KIAA0825: variants seen among roughly 807,000 people sequenced by gnomAD.
The protein encoded by KIAA0825 is uncharacterized protein KIAA0825.
Under a neutral mutation model 147.6 loss-of-function variants are expected in KIAA0825, and 119 were observed. That is an observed-to-expected ratio of 0.81 (90% CI 0.69 to 0.94). The LOEUF (loss-of-function observed/expected upper bound fraction) is 0.94, where lower values mean the gene tolerates loss of function less well. KIAA0825 is among the 40% of genes least tolerant of loss of function. The probability of loss-of-function intolerance (pLI) is 0.00; values close to 1 mark genes in which losing one functional copy is unlikely to be tolerated. For synonymous variants in KIAA0825, 470 were observed against 518.1 expected (o/e 0.91, Z 1.26); for missense variants, 1,381 against 1,472.7 (o/e 0.94, Z 1.02).
chr5:94,469,902 C>T, intron 10 of KIAA0825, 59 bp downstream of exon 10: 1 of 1,353,434 alleles, frequency 7.4e-7, no homozygotes, highest in African/African-American at 1.5e-5. Flanking sequence ...AGCCAGAAAG[C>T]AGGTACGCAG....
intron 14 of KIAA0825, among the ~76,000 whole-genome samples, chr5:94,424,061 C>T (rs1264560146): frequency 1.3e-5 from 2 of 151,960 alleles, no homozygotes; most frequent in Non-Finnish European, 2.9e-5. Context: ...AGATAATGAA[C>T]CTAAGCAAAC....
chr5:94,595,734 C>G (rs1436657291), intron 1 of KIAA0825, among the ~76,000 whole-genome samples: 1 of 152,130 alleles, frequency 6.6e-6, no homozygotes, highest in African/African-American at 2.4e-5. Flanking sequence ...AAATAAGTTC[C>G]AATTCCAAAC....
At chr5:94,473,238 T>C (rs1761441809) in intron 8 of KIAA0825, 54 bp downstream of exon 8, 1 of 1,417,540 alleles carries the variant, frequency 7.1e-7, no homozygotes, top group African/African-American at 1.4e-5. Flanking sequence ...TGCCTTATAC[T>C]AAAATAAATC....
chr5:94,594,466 G>GA (rs375418594), intron 1 of KIAA0825: 77 of 739,116 alleles, frequency 1.0e-4, no homozygotes, highest in African/African-American at 1.0e-3. Context: ...TTGGAAGAAA[G>GA]AAAAAAATCT....
chr5:94,320,086 A>T (rs993243237), intron 20 of KIAA0825, among the ~76,000 whole-genome samples: 2 of 151,984 alleles, frequency 1.3e-5, no homozygotes, highest in South Asian at 4.1e-4. Flanking sequence ...GATCACACAA[A>T]TATTTTCTTA....
chr5:94,562,576 A>C (rs1228033331), intron 2 of KIAA0825, among the ~76,000 whole-genome samples: 1 of 152,240 alleles, frequency 6.6e-6, no homozygotes, highest in Non-Finnish European at 1.5e-5. Context: ...CAAGGAGCAG[A>C]CAGAATCTCA....
chr5:94,173,293 T>C (rs1370968372), intron 20 of KIAA0825, among the ~76,000 whole-genome samples: 1 of 152,194 alleles, frequency 6.6e-6, no homozygotes, highest in Non-Finnish European at 1.5e-5. Context: ...TTACAGTTAC[T>C]ATTGCACAAT....
chr5:94,264,402 TG>T (rs1776647432), intron 20 of KIAA0825, among the ~76,000 whole-genome samples: 5 of 152,192 alleles, frequency 3.3e-5, no homozygotes, highest in African/African-American at 1.2e-4. Flanking sequence ...GTGTGTTAAA[TG>T]AATGAATAGA....
chr5:94,271,035 G>C (rs1457094427), intron 20 of KIAA0825, among the ~76,000 whole-genome samples: 1 of 152,044 alleles, frequency 6.6e-6, no homozygotes, highest in Admixed American at 6.6e-5. Flanking sequence ...TGTATTAATA[G>C]AAGTATTAAG....
intron 20 of KIAA0825, among the ~76,000 whole-genome samples, chr5:94,315,311 C>T (rs1373429378): frequency 3.3e-5 from 5 of 151,562 alleles, no homozygotes; most frequent in East Asian, 3.9e-4. Context: ...CTAATGATAG[C>T]GCTTTCTATC....
chr5:94,314,986 C>T (rs1779515330), intron 20 of KIAA0825, among the ~76,000 whole-genome samples: 1 of 151,548 alleles, frequency 6.6e-6, no homozygotes, highest in Non-Finnish European at 1.5e-5. Context: ...TGGCAGCGGA[C>T]AGAGCTCTCA....
chr5:94,327,613 G>T (rs1780827866), intron 20 of KIAA0825, among the ~76,000 whole-genome samples: 1 of 152,152 alleles, frequency 6.6e-6, no homozygotes, highest in Non-Finnish European at 1.5e-5. Context: ...AATGTACTGT[G>T]TTGGTTCCCT....
intron 20 of KIAA0825, among the ~76,000 whole-genome samples, chr5:94,355,046 C>T (rs1324876013): frequency 6.6e-6 from 1 of 152,098 alleles, no homozygotes; most frequent in Non-Finnish European, 1.5e-5. Flanking sequence ...CAGGCTTCCA[C>T]GCTATAGGTA....
At chr5:94,442,688 G>T (rs1351927528) in intron 13 of KIAA0825, among the ~76,000 whole-genome samples, 1 of 152,144 alleles carries the variant, frequency 6.6e-6, no homozygotes, top group Admixed American at 6.6e-5. Context: ...CTACTTGGTA[G>T]TAAGCTGTAT....
chr5:94,292,051 C>T (rs1362322660), intron 20 of KIAA0825, among the ~76,000 whole-genome samples: 1 of 151,564 alleles, frequency 6.6e-6, no homozygotes, highest in Non-Finnish European at 1.5e-5. Context: ...ATCATGTCAT[C>T]CGCAGAGACA....
intron 5 of KIAA0825, among the ~76,000 whole-genome samples, chr5:94,503,963 C>A (rs1273962693): frequency 2.0e-5 from 3 of 152,122 alleles, no homozygotes; most frequent in Non-Finnish European, 4.4e-5. Context: ...GCCTATGACT[C>A]CAGCCTGTGT....
intron 13 of KIAA0825, among the ~76,000 whole-genome samples, chr5:94,444,198 G>A (rs1258890513): frequency 2.0e-5 from 3 of 152,078 alleles, no homozygotes; most frequent in Admixed American, 2.0e-4. Flanking sequence ...CAGAGGTTCT[G>A]GTTTCCATGG....
At chr5:94,467,263 G>T (rs1039899211) in intron 10 of KIAA0825, among the ~76,000 whole-genome samples, 13 of 152,156 alleles carry the variant, frequency 8.5e-5, no homozygotes, top group Non-Finnish European at 1.6e-4. Flanking sequence ...ACTAAATGTG[G>T]TTCATTTATT....
intron 2 of KIAA0825, among the ~76,000 whole-genome samples, chr5:94,572,535 A>G (rs1273958011): frequency 6.6e-6 from 1 of 152,226 alleles, no homozygotes; most frequent in Non-Finnish European, 1.5e-5. Flanking sequence ...TTATTTATAT[A>G]TAACTGTTAA....
Sources: gnomAD v4.1 joint callset for allele counts (sites outside exome capture counted in the v4.1 genomes callset) on GRCh38, gnomAD v4.1.1 for gene constraint, MANE v1.5 for transcripts, NCBI Gene and HGNC (gene_info 2026-07-23, HGNC 2026-07-21) for gene names.